Variants in SARS1 observed in about 807,000 individuals in gnomAD.
The protein encoded by SARS1 is serine--tRNA ligase, cytoplasmic.
A neutral mutation model predicts 63.7 loss-of-function variants in SARS1; 25 were observed. The observed-to-expected ratio is 0.39, with a 90% CI of 0.29 to 0.55. The LOEUF (loss-of-function observed/expected upper bound fraction) is 0.55. Among genes scored for constraint, SARS1 ranks in the 20% least tolerant of loss-of-function variants. SARS1 has a pLI of 0.62. For missense variants in SARS1, 417 were observed against 649.7 expected, an observed-to-expected ratio of 0.64 and a Z score of 3.89; for synonymous variants, 231 against 243.5, an observed-to-expected ratio of 0.95 and a Z score of 0.48.
chr1:109,217,612 A>G (rs1367299756), intron 1 of SARS1, among the ~76,000 whole-genome samples: 1 of 151,476 alleles, frequency 6.6e-6, no homozygotes, highest in African/African-American at 2.4e-5. Context: ...CTAGGCTGGA[A>G]TGCAGTGGCA....
At chr1:109,216,867 C>T in intron 1 of SARS1, 1 of 939,402 alleles carries the variant, frequency 1.1e-6, no homozygotes. Context: ...AAGCGATCCT[C>T]CCACCTCGGC....
intron 1 of SARS1, chr1:109,216,238 A>G (rs1654782280): frequency 1.0e-6 from 1 of 985,124 alleles, no homozygotes; most frequent in African/African-American, 1.7e-5. Flanking sequence ...CACATTAAGA[A>G]CTCAGATCAT....
chr1:109,220,963 C>T (rs554763079), intron 1 of SARS1, among the ~76,000 whole-genome samples: 1 of 151,626 alleles, frequency 6.6e-6, no homozygotes, highest in African/African-American at 2.4e-5. Context: ...GTCAATTGCT[C>T]ATGGTAAAAA....
chr1:109,236,606 T>G, intron 9 of SARS1, 58 bp downstream of exon 9: 3 of 1,573,370 alleles, frequency 1.9e-6, no homozygotes, highest in Non-Finnish European at 2.6e-6. Flanking sequence ...CCGTCCGAAT[T>G]ATTTCTCAGC....
intron 2 of SARS1, among the ~76,000 whole-genome samples, chr1:109,226,663 T>TAAAAAAA (rs66652692): frequency 5.4e-5 from 3 of 55,534 alleles, no homozygotes; most frequent in African/African-American, 7.4e-5. Context: ...CTGGCTAATT[T>TAAAAAAA]AAAAAAAAAA....
chr1:109,220,232 C>T (rs953505012), intron 1 of SARS1, among the ~76,000 whole-genome samples: 2 of 152,082 alleles, frequency 1.3e-5, no homozygotes, highest in South Asian at 2.1e-4. Context: ...TGGGTATGTA[C>T]CAAGGAGTAG....
intron 1 of SARS1, chr1:109,216,679 G>A: frequency 1.2e-6 from 1 of 812,318 alleles, no homozygotes; most frequent in South Asian, 5.6e-5. Flanking sequence ...GTGTCACCCA[G>A]GCATGATCAC....
Position 109,237,945 on chromosome 1 carries a change from C to T in SARS1, c.*57C>T. 6.3e-7 allele frequency: 1 copy of T among 1,588,876 alleles called. No homozygotes were observed. Among genetic ancestry groups the T allele is most frequent in the Non-Finnish European group, 8.6e-7 (1 of 1,164,204 alleles). On this transcript the variant is annotated 3_prime_UTR_variant, in exon 11 of 11. Coordinates refer to ENST00000234677, the MANE Select transcript of SARS1 (RefSeq NM_006513.4). The surrounding 1 kb of genome is among the most constrained non-coding windows in gnomAD (Gnocchi z 4.1). The stretch of plus-strand genomic sequence containing the variant: ...ATTTCTGTCTGCTGAGATCTCAGAG[C>T]CTGCCCAACAGCAGGGAAGCCAAGC...
At chr1:109,217,161 C>G in intron 1 of SARS1, 1 of 981,748 alleles carries the variant, frequency 1.0e-6, no homozygotes. Flanking sequence ...TTCATGTATA[C>G]AGATGCTCCT....
At chr1:109,236,984 C>G (rs760871290) in intron 9 of SARS1, 181 of 1,358,166 alleles carry the variant, frequency 1.3e-4, no homozygotes, top group Non-Finnish European at 1.6e-4. Context: ...TCTTCCTTCC[C>G]TCAAAGGGCC....
intron 1 of SARS1, among the ~76,000 whole-genome samples, chr1:109,219,186 A>C (rs2101183928): frequency 6.8e-6 from 1 of 147,376 alleles, no homozygotes; most frequent in East Asian, 2.0e-4. Context: ...GAATGGCATG[A>C]ACCCAGGAGG....
In SARS1 at chr1:109,236,642, T is replaced by TCC. The variant is rs1655318259; in HGVS notation, c.1257+95_1257+96insCC. 4 of 1,516,244 alleles carry TCC rather than the reference T, an allele frequency of 2.6e-6. No homozygotes were observed. In the African/African-American group the frequency reaches 5.6e-5, roughly 21 times the overall value. 93.9% of individuals were successfully genotyped at this position (1,516,244 alleles called of 1,614,324 possible). A position where few individuals can be genotyped will look rare whatever the true frequency, so the allele number is the denominator to read the frequency against. On this transcript the variant is annotated intron_variant, in intron 9 of 10. Transcript: ENST00000234677. ...CTTTGGGGTGCACTGGTCCCCAGCA[T>TCC]CATGGGAAAATCTGAGCTTCTCAAT...
intron 1 of SARS1, among the ~76,000 whole-genome samples, chr1:109,222,254 A>G (rs942005671): frequency 1.3e-5 from 2 of 151,812 alleles, no homozygotes; most frequent in Non-Finnish European, 2.9e-5. Flanking sequence ...GAAGTTGGAA[A>G]AATAGTAGAA....
chr1:109,226,736 A>T (rs987794730), intron 2 of SARS1, among the ~76,000 whole-genome samples: 2 of 100,254 alleles, frequency 2.0e-5, no homozygotes, highest in Admixed American at 2.5e-4. Flanking sequence ...ACATATATAT[A>T]TATTTATTTA....
At chr1:109,220,038 A>G (rs1247525322) in intron 1 of SARS1, among the ~76,000 whole-genome samples, 2 of 152,254 alleles carry the variant, frequency 1.3e-5, no homozygotes, top group East Asian at 3.8e-4. Flanking sequence ...TTGATTGGCA[A>G]TTAACAGATT....
chr1:109,221,953 A>ATTTT (rs1654936541), intron 1 of SARS1, among the ~76,000 whole-genome samples: 1 of 74,356 alleles, frequency 1.3e-5, no homozygotes, highest in Non-Finnish European at 2.3e-5. Context: ...ATGCTCAGCT[A>ATTTT]ATTTTTTTGT....
In SARS1 at chr1:109,235,343, AT is replaced by A; in HGVS notation, c.882del (p.Tyr294Ter). The A allele has an allele frequency of 6.2e-7, 1 of 1,614,104 alleles. No homozygotes were observed. The highest frequency in any genetic ancestry group is 8.5e-7 in the Non-Finnish European group (1 of 1,180,026). On this transcript the variant is annotated frameshift_variant, in exon 7 of 11. Transcript: ENST00000234677. LOFTEE classifies it high-confidence loss of function. The surrounding 1 kb of genome is among the most constrained non-coding windows in gnomAD (Gnocchi z 4.7). ...CGGCCGGAGGACCTGCCCATCAAGT[AT>A]GCTGGCCTGTCTACCTGCTTCCGTC... The part of the protein sequence containing the change: ...WLRPEDLPIK[Y>X]AGLSTCFRQE...
At chr1:109,216,643 T>C in intron 1 of SARS1, 2 of 966,094 alleles carry the variant, frequency 2.1e-6, no homozygotes, top group Non-Finnish European at 2.5e-6. Flanking sequence ...GTTTCCTTTT[T>C]TTTTAATTTG....
At chr1:109,215,915 G>A (rs1020845499) in intron 1 of SARS1, 10 of 501,164 alleles carry the variant, frequency 2.0e-5, no homozygotes, top group Non-Finnish European at 2.6e-5. Flanking sequence ...TGTTGGCCAG[G>A]CTGGTCTCTA....
Sources: allele counts gnomAD v4.1 joint callset (sites outside exome capture counted in the v4.1 genomes callset), GRCh38; gene constraint gnomAD v4.1.1; non-coding constraint Gnocchi (gnomAD v3.1); transcripts MANE v1.5; gene names NCBI Gene and HGNC (gene_info 2026-07-23, HGNC 2026-07-21).